Variants in AP2B1 observed in about 807,000 individuals in gnomAD.
The protein encoded by AP2B1 is adaptor related protein complex 2 subunit beta 1, also known as AP-2 complex subunit beta.
AP2B1 carries 23 observed loss-of-function variants against 102.0 expected under a neutral mutation model. The observed-to-expected ratio is 0.23, with a 90% CI of 0.16 to 0.32. The LOEUF is 0.32. AP2B1 is among the 10% of genes least tolerant of loss of function. The pLI, the probability that AP2B1 is intolerant of heterozygous loss-of-function variation, is 1.00. For synonymous variants in AP2B1, 381 were observed against 421.2 expected (o/e 0.90, Z 1.17); for missense variants, 541 against 1,157.4 (o/e 0.47, Z 7.73).
intron 20 of AP2B1, among the ~76,000 whole-genome samples, chr17:35,711,393 C>T (rs2076444072): frequency 6.7e-6 from 1 of 148,780 alleles, no homozygotes; most frequent in South Asian, 2.1e-4. Context: ...AAGGAGGCAA[C>T]ACGGCAGCAC....
intron 20 of AP2B1, among the ~76,000 whole-genome samples, chr17:35,714,325 G>A (rs966051209): frequency 1.3e-5 from 2 of 152,202 alleles, no homozygotes; most frequent in African/African-American, 2.4e-5. Flanking sequence ...AGCAGTCATA[G>A]TGGTTTTGAA....
intron 2 of AP2B1, among the ~76,000 whole-genome samples, chr17:35,595,981 C>G (rs9891317): frequency 0.056 from 8,555 of 151,740 alleles, 396 homozygotes; most frequent in East Asian, 0.14. Flanking sequence ...GTCCTGGTGA[C>G]CTTTTTTTAA....
At chr17:35,712,090 CATA>C (rs1195633773) in intron 20 of AP2B1, among the ~76,000 whole-genome samples, 1 of 152,136 alleles carries the variant, frequency 6.6e-6, no homozygotes, top group South Asian at 2.1e-4. Flanking sequence ...TAATTTCCAT[CATA>C]ATAATTAATT....
chr17:35,635,146 C>T (rs12947274), intron 9 of AP2B1, among the ~76,000 whole-genome samples: 11,157 of 152,178 alleles, frequency 0.073, 474 homozygotes, highest in Middle Eastern at 0.11. Flanking sequence ...GTGTGTCTCC[C>T]GGGCTCAAGC....
intron 14 of AP2B1, among the ~76,000 whole-genome samples, chr17:35,669,697 T>A (rs946506009): frequency 2.1e-4 from 32 of 152,230 alleles, no homozygotes; most frequent in African/African-American, 7.5e-4. Context: ...GAGAATGCCA[T>A]TTTATGTACT....
At chr17:35,617,695 T>C (rs1007286545) in intron 5 of AP2B1, among the ~76,000 whole-genome samples, 4 of 152,162 alleles carry the variant, frequency 2.6e-5, no homozygotes, top group Non-Finnish European at 5.9e-5. Flanking sequence ...ATATCAAGGC[T>C]CATTTGTCAC....
intron 12 of AP2B1, among the ~76,000 whole-genome samples, chr17:35,645,980 T>G (rs1019233953): frequency 4.6e-5 from 7 of 152,276 alleles, no homozygotes; most frequent in African/African-American, 1.7e-4. Context: ...TCATTTGGGC[T>G]GCTTGTTAAA....
At position 35,683,236 on chromosome 17, in the gene AP2B1, T is replaced by A. The variant is rs147809469; in HGVS notation, c.2454+412T>A. ...TTCTTCCTTAGGTTTGAGTTAGTCA[T>A]GGAATCGGATTTGAAATAAATCTTT... is the stretch of plus-strand genomic sequence containing the variant. On this transcript the variant is annotated intron_variant, in intron 18 of 21. Transcript: ENST00000610402. 2.8e-3 allele frequency among the ~76,000 whole-genome samples: 431 copies of A among 152,332 alleles called. 1 individual carries two copies. The highest frequency in any genetic ancestry group is 9.8e-3 in the African/African-American group (406 of 41,570).
At chr17:35,639,804 T>A in intron 11 of AP2B1, 44 bp downstream of exon 11, 1 of 1,564,506 alleles carries the variant, frequency 6.4e-7, no homozygotes. Flanking sequence ...TTAGATGTCT[T>A]TGGGGAGATT....
chr17:35,607,261 AAAAC>A (rs1437629164), intron 4 of AP2B1, among the ~76,000 whole-genome samples: 2 of 152,332 alleles, frequency 1.3e-5, no homozygotes, highest in Non-Finnish European at 2.9e-5. Context: ...ACATTTAAAA[AAAAC>A]AGACAGCATT....
chr17:35,690,043 C>T (rs1371558959), intron 18 of AP2B1, among the ~76,000 whole-genome samples: 2 of 151,374 alleles, frequency 1.3e-5, no homozygotes, highest in Admixed American at 1.3e-4. Context: ...CTCATTATGT[C>T]TCTTCTCTCC....
At chr17:35,655,114 T>TA (rs1430001071) in intron 13 of AP2B1, among the ~76,000 whole-genome samples, 1 of 152,216 alleles carries the variant, frequency 6.6e-6, no homozygotes, top group Non-Finnish European at 1.5e-5. Context: ...TCCGGTCTGA[T>TA]ATAAGCTTAT....
intron 12 of AP2B1, among the ~76,000 whole-genome samples, chr17:35,649,167 ATACT>A (rs1403366318): frequency 6.6e-6 from 1 of 152,148 alleles, no homozygotes; most frequent in Non-Finnish European, 1.5e-5. Context: ...TCAATAGGAG[ATACT>A]TAATAAATAT....
chr17:35,690,564 A>G (rs942714937), intron 18 of AP2B1, among the ~76,000 whole-genome samples: 11 of 152,218 alleles, frequency 7.2e-5, no homozygotes, highest in Non-Finnish European at 1.2e-4. Flanking sequence ...AGAGCTGTCC[A>G]GCAGTATAGA....
At chr17:35,608,106 T>G (rs368444677) in intron 4 of AP2B1, 36 bp from the exon 5 acceptor site, 9 of 1,609,720 alleles carry the variant, frequency 5.6e-6, no homozygotes, top group Non-Finnish European at 7.6e-6. Context: ...TTAGCCACCA[T>G]GTATACCTAC....
In AP2B1 at chr17:35,626,800, A is replaced by C; in HGVS notation, c.896A>C (p.Gln299Pro). The change falls in exon 7 of 22, where the codon CAG (glutamine) becomes CCG (proline). Residue 299 changes from glutamine (Q) to proline (P), a missense_variant. Physicochemically the swap from Gln to Pro is moderately conservative, Grantham distance 76 (BLOSUM62 -1). Transcript: ENST00000610402. ...TTGCTGTCTGGGGAGCCAGAAGTGC[A>C]GTATGTCGCCCTGAGGAACATCAAC... Reference protein sequence around the residue: ...VTLLSGEPEVQYVALRNINLI... With the variant: ...VTLLSGEPEVPYVALRNINLI... The C allele has an allele frequency of 6.2e-7, 1 of 1,614,074 alleles. No homozygotes were observed. Among genetic ancestry groups the C allele is most frequent in the Non-Finnish European group, 8.5e-7 (1 of 1,179,994 alleles).
In AP2B1 at chr17:35,706,440, A is replaced by T. The variant is rs73990268; in HGVS notation, c.2455-2784A>T. Reference sequence around the variant, plus strand: ...TTTATGCCAGGTCCCAGATTCAGAGATTGTAATTATTTCATGTAGGGTAGG... The same window carrying T: ...TTTATGCCAGGTCCCAGATTCAGAGTTTGTAATTATTTCATGTAGGGTAGG... On this transcript the variant is annotated intron_variant, in intron 18 of 21. Coordinates refer to ENST00000610402, the MANE Select transcript of AP2B1 (RefSeq NM_001030006.2). 9.6e-3 allele frequency among the ~76,000 whole-genome samples: 1,468 copies of T among 152,272 alleles called. 24 individuals are homozygous for T. Among genetic ancestry groups the T allele is most frequent in the African/African-American group, 0.033 (1,361 of 41,536 alleles).
chr17:35,694,293 G>A (rs587697386), intron 18 of AP2B1, among the ~76,000 whole-genome samples: 12 of 151,844 alleles, frequency 7.9e-5, no homozygotes, highest in African/African-American at 2.7e-4. Flanking sequence ...TCCCACGTTG[G>A]AGTTCAGGGG....
chr17:35,691,301 T>C (rs932620257), intron 18 of AP2B1, among the ~76,000 whole-genome samples: 1 of 152,188 alleles, frequency 6.6e-6, no homozygotes. Context: ...TACATGTAGT[T>C]CCAGCCTGTG....
Sources: gnomAD v4.1 joint callset for allele counts (sites outside exome capture counted in the v4.1 genomes callset) on GRCh38, gnomAD v4.1.1 for gene constraint, MANE v1.5 for transcripts, NCBI Gene and HGNC (gene_info 2026-07-23, HGNC 2026-07-21) for gene names.